ERC1: variants seen among roughly 807,000 people sequenced by gnomAD.
ERC1 encodes the protein ELKS/RAB6-interacting/CAST family member 1.
Under a neutral mutation model 132.0 loss-of-function variants are expected in ERC1, and 56 were observed. That is an observed-to-expected ratio of 0.42 (90% confidence interval 0.34 to 0.53). The LOEUF is 0.53. Among genes scored for constraint, ERC1 ranks in the 20% least tolerant of loss-of-function variants. The pLI, the probability that ERC1 is intolerant of heterozygous loss-of-function variation, is 0.03. For missense variants in ERC1, 1,202 were observed against 1,349.9 expected (o/e 0.89, Z 1.72); for synonymous variants, 478 against 476.1 (o/e 1.00, Z -0.05).
chr12:1,298,423 A>T (rs1406802515), intron 15 of ERC1, among the ~76,000 whole-genome samples: 1 of 151,790 alleles, frequency 6.6e-6, no homozygotes, highest in Admixed American at 6.6e-5. Flanking sequence ...GGTGTCTGTT[A>T]TCCCAGCTAC....
intron 18 of ERC1, among the ~76,000 whole-genome samples, chr12:1,485,868 A>T (rs1484152748): frequency 6.6e-6 from 1 of 152,250 alleles, no homozygotes; most frequent in Non-Finnish European, 1.5e-5. Flanking sequence ...CCATCCCAAG[A>T]TTATAAAAAA....
chr12:1,482,858 A>G (rs2094120047), intron 18 of ERC1, among the ~76,000 whole-genome samples: 1 of 152,160 alleles, frequency 6.6e-6, no homozygotes, highest in Non-Finnish European at 1.5e-5. Context: ...CCATCACCAT[A>G]GTCAATTTTT....
intron 1 of ERC1, among the ~76,000 whole-genome samples, chr12:1,016,709 A>ATC: frequency 7.0e-6 from 1 of 142,640 alleles, no homozygotes; most frequent in African/African-American, 2.6e-5. Flanking sequence ...CAGTGGTGCG[A>ATC]TCTCGATCTC....
chr12:1,146,308 G>GTTTGTT (rs1950340776), intron 8 of ERC1, among the ~76,000 whole-genome samples: 1 of 31,812 alleles, frequency 3.1e-5, no homozygotes, highest in Non-Finnish European at 6.1e-5. Context: ...TATTTTACTG[G>GTTTGTT]TTTTTTTTTT....
chr12:1,256,905 A>G (rs1349053240), intron 13 of ERC1, among the ~76,000 whole-genome samples: 1 of 150,586 alleles, frequency 6.6e-6, no homozygotes, highest in African/African-American at 2.5e-5. Context: ...TTCATTGATA[A>G]TCCAGTTTTG....
At chr12:1,204,493 T>C in intron 12 of ERC1, 10 of 1,588,902 alleles carry the variant, frequency 6.3e-6, no homozygotes, top group Non-Finnish European at 8.5e-6. Context: ...ATTTCCTGTT[T>C]CCTTCAGTCT....
chr12:1,247,322 G>C (rs547865906), intron 13 of ERC1, among the ~76,000 whole-genome samples: 1 of 152,264 alleles, frequency 6.6e-6, no homozygotes, highest in African/African-American at 2.4e-5. Context: ...AGGTTCTCAG[G>C]TTGGTAAATA....
intron 13 of ERC1, chr12:1,244,726 C>T: frequency 2.8e-6 from 1 of 353,446 alleles, no homozygotes; most frequent in Non-Finnish European, 5.7e-6. Flanking sequence ...GGGGTTTCAC[C>T]ATGTTGGCCA....
At chr12:1,489,669 G>A (rs1384598703) in intron 18 of ERC1, among the ~76,000 whole-genome samples, 6 of 152,188 alleles carry the variant, frequency 3.9e-5, no homozygotes, top group Non-Finnish European at 1.5e-5. Flanking sequence ...CTAATGTACC[G>A]GATGAAAGCG....
intron 8 of ERC1, among the ~76,000 whole-genome samples, chr12:1,164,276 T>TTTATGTTG (rs1952159104): frequency 7.1e-6 from 1 of 140,596 alleles, no homozygotes; most frequent in African/African-American, 2.7e-5. Flanking sequence ...ATGTTGTTAT[T>TTTATGTTG]TTATGTTATT....
chr12:1,327,208 A>G (rs1177453642), intron 15 of ERC1, among the ~76,000 whole-genome samples: 1 of 152,170 alleles, frequency 6.6e-6, no homozygotes, highest in East Asian at 1.9e-4. Context: ...CACTCTGGAA[A>G]AGAAAAATAC....
chr12:1,309,955 TGTTTTG>T (rs770271320), intron 15 of ERC1, among the ~76,000 whole-genome samples: 90 of 150,440 alleles, frequency 6.0e-4, no homozygotes, highest in Middle Eastern at 3.4e-3. Flanking sequence ...TGTTTTGTTT[TGTTTTG>T]TTTTGAGACA....
At chr12:1,191,294 A>C (rs915403752) in intron 12 of ERC1, among the ~76,000 whole-genome samples, 9 of 152,152 alleles carry the variant, frequency 5.9e-5, no homozygotes, top group African/African-American at 2.2e-4. Context: ...ACCCTTCCCC[A>C]CAACACACAC....
intron 15 of ERC1, among the ~76,000 whole-genome samples, chr12:1,326,359 A>C (rs2082443715): frequency 6.6e-6 from 1 of 152,328 alleles, no homozygotes; most frequent in Non-Finnish European, 1.5e-5. Context: ...TTATCAAGTG[A>C]TAACTTCTAG....
chr12:1,300,983 T>C (rs1272863147), intron 15 of ERC1, among the ~76,000 whole-genome samples: 3 of 152,078 alleles, frequency 2.0e-5, no homozygotes, highest in African/African-American at 4.8e-5. Context: ...TTCTATCATA[T>C]ATACATCATG....
chr12:1,274,437 T>A (rs936966411), intron 14 of ERC1, among the ~76,000 whole-genome samples: 2 of 152,042 alleles, frequency 1.3e-5, no homozygotes, highest in Non-Finnish European at 2.9e-5. Context: ...TTATTTAGAG[T>A]GAATGGTCAG....
chr12:1,182,237 C>T (rs796539799), intron 10 of ERC1, among the ~76,000 whole-genome samples, 172 bp downstream of exon 10: 35 of 152,294 alleles, frequency 2.3e-4, no homozygotes, highest in African/African-American at 7.9e-4. Flanking sequence ...TTTGCAGAGA[C>T]ATAGCGGATT....
chr12:1,353,537 A>C (rs772083003), intron 15 of ERC1, among the ~76,000 whole-genome samples: 1 of 152,240 alleles, frequency 6.6e-6, no homozygotes, highest in African/African-American at 2.4e-5. Flanking sequence ...GATCAGTTCT[A>C]TAAGTAATTT....
chr12:1,136,283 A>G (rs1453577326), intron 7 of ERC1, among the ~76,000 whole-genome samples: 4 of 152,032 alleles, frequency 2.6e-5, no homozygotes, highest in Admixed American at 6.6e-5. Context: ...ATCCTTTCTA[A>G]TCTTCATTAT....
Sources: allele counts gnomAD v4.1 joint callset (sites outside exome capture counted in the v4.1 genomes callset), GRCh38; gene constraint gnomAD v4.1.1; transcripts MANE v1.5; gene names NCBI Gene and HGNC (gene_info 2026-07-23, HGNC 2026-07-21).